UMAD1: variants seen among roughly 807,000 people sequenced by gnomAD.
UMAD1 encodes the protein UBAP1-MVB12-associated (UMA)-domain containing protein 1.
Under a neutral mutation model 6.1 loss-of-function variants are expected in UMAD1, and 8 were observed. The ratio of observed to expected loss-of-function variants is 1.30; its 90% CI spans 0.76 to 2.35. UMAD1 has a LOEUF of 2.35. UMAD1 is among the 30% of genes most tolerant of loss of function. The pLI is 0.00. For missense variants in UMAD1, 130 were observed against 78.4 expected (o/e 1.66, Z -2.49); for synonymous variants, 56 against 31.4 (o/e 1.78, Z -2.61).
At chr7:7,867,639 G>A (rs1009421927) in intron 3 of UMAD1, among the ~76,000 whole-genome samples, 1 of 152,112 alleles carries the variant, frequency 6.6e-6, no homozygotes, top group African/African-American at 2.4e-5. Context: ...CTCAGTAGAG[G>A]GGTGCAGGCA....
chr7:7,731,273 T>C (rs1422637695), intron 2 of UMAD1, among the ~76,000 whole-genome samples: 2 of 152,168 alleles, frequency 1.3e-5, no homozygotes, highest in East Asian at 1.9e-4. Flanking sequence ...GTGCTGGGAT[T>C]ACAGCCGTCA....
intron 3 of UMAD1, among the ~76,000 whole-genome samples, chr7:7,805,422 C>T (rs1205075663): frequency 6.6e-6 from 1 of 152,152 alleles, no homozygotes; most frequent in Admixed American, 6.5e-5. Context: ...CAAGTCCTGC[C>T]ATCTTGCCCT....
intron 2 of UMAD1, among the ~76,000 whole-genome samples, chr7:7,750,675 G>A (rs1036886759): frequency 4.6e-5 from 7 of 152,106 alleles, no homozygotes; most frequent in African/African-American, 1.7e-4. Flanking sequence ...TATGAGGTAG[G>A]CATTATTTTA....
chr7:7,647,793 C>G (rs1017358823), intron 1 of UMAD1, among the ~76,000 whole-genome samples: 1 of 152,058 alleles, frequency 6.6e-6, no homozygotes, highest in Non-Finnish European at 1.5e-5. Flanking sequence ...TTTGTAGAGA[C>G]GGGTTCTTTC....
chr7:7,801,674 T>TA lies in UMAD1; in HGVS notation c.88dup (p.Thr30AsnfsTer4). Reference sequence around the variant, plus strand: ...GACATATATTTTACTTCATAGGAGATACAACAGATGAGCAAAGAATGACAG... The same window carrying TA: ...GACATATATTTTACTTCATAGGAGATAACAACAGATGAGCAAAGAATGACAG... On this transcript the variant is annotated frameshift_variant, in exon 3 of 4. Coordinates refer to ENST00000682710, the MANE Select transcript of UMAD1 (RefSeq NM_001302348.2). LOFTEE classifies it high-confidence loss of function. 2 of 717,904 alleles carry TA rather than the reference T, an allele frequency of 2.8e-6. No homozygotes were observed. Among genetic ancestry groups the TA allele is most frequent in the African/African-American group, 1.7e-5 (1 of 57,388 alleles). 44.5% of individuals were successfully genotyped at this position (717,904 alleles called of 1,614,324 possible). A position where few individuals can be genotyped will look rare whatever the true frequency, so the allele number is the denominator to read the frequency against.
intron 2 of UMAD1, among the ~76,000 whole-genome samples, chr7:7,741,379 G>A (rs1781460855): frequency 6.6e-6 from 1 of 151,874 alleles, no homozygotes; most frequent in Non-Finnish European, 1.5e-5. Flanking sequence ...AGACCATCCT[G>A]GCTAACACAG....
chr7:7,684,924 G>T (rs1285187886), intron 2 of UMAD1, among the ~76,000 whole-genome samples: 1 of 152,088 alleles, frequency 6.6e-6, no homozygotes, highest in African/African-American at 2.4e-5. Context: ...GGAAAACATT[G>T]TAAGTATGCA....
intron 3 of UMAD1, among the ~76,000 whole-genome samples, chr7:7,822,215 C>A (rs956496255): frequency 6.6e-6 from 1 of 151,696 alleles, no homozygotes; most frequent in Non-Finnish European, 1.5e-5. Context: ...AGGGTTTGGG[C>A]GCACTGAGAA....
intron 2 of UMAD1, among the ~76,000 whole-genome samples, chr7:7,774,569 C>T (rs1435977842): frequency 6.6e-6 from 1 of 152,132 alleles, no homozygotes; most frequent in Admixed American, 6.5e-5. Flanking sequence ...AACTGTTTGA[C>T]CCATTTATGT....
At chr7:7,806,358 C>T (rs1046869923) in intron 3 of UMAD1, among the ~76,000 whole-genome samples, 1 of 152,086 alleles carries the variant, frequency 6.6e-6, no homozygotes, top group African/African-American at 2.4e-5. Context: ...TCTGCTCCCC[C>T]AGCCAGAGAC....
chr7:7,705,100 G>C (rs1780565960), intron 2 of UMAD1, among the ~76,000 whole-genome samples: 1 of 152,156 alleles, frequency 6.6e-6, no homozygotes, highest in South Asian at 2.1e-4. Flanking sequence ...GGGAGCTCCT[G>C]TTCTGACATG....
chr7:7,719,409 C>G (rs933801850), intron 2 of UMAD1, among the ~76,000 whole-genome samples: 2 of 152,240 alleles, frequency 1.3e-5, no homozygotes, highest in Non-Finnish European at 2.9e-5. Context: ...TGACTAATCT[C>G]TCTGGCAAGC....
chr7:7,839,959 T>C (rs926003513), intron 3 of UMAD1, among the ~76,000 whole-genome samples: 2 of 152,174 alleles, frequency 1.3e-5, no homozygotes, highest in African/African-American at 4.8e-5. Flanking sequence ...TTAACTGAGG[T>C]TGAGGTTTTG....
intron 3 of UMAD1, among the ~76,000 whole-genome samples, chr7:7,831,208 A>C (rs1255112285): frequency 6.6e-6 from 1 of 152,156 alleles, no homozygotes; most frequent in Non-Finnish European, 1.5e-5. Flanking sequence ...CCTCTAACCC[A>C]TATTTTTGTG....
chr7:7,735,345 C>G (rs982492509), intron 2 of UMAD1, among the ~76,000 whole-genome samples: 23 of 151,946 alleles, frequency 1.5e-4, no homozygotes, highest in African/African-American at 4.6e-4. Flanking sequence ...GACTTTTAAT[C>G]CAAGCTTAAT....
intron 1 of UMAD1, among the ~76,000 whole-genome samples, chr7:7,654,820 C>G (rs1785303760): frequency 6.6e-6 from 1 of 150,714 alleles, no homozygotes; most frequent in African/African-American, 2.4e-5. Flanking sequence ...AGGAGAATCG[C>G]TTGAACCTGG....
chr7:7,747,899 T>C (rs563121054), intron 2 of UMAD1, among the ~76,000 whole-genome samples: 1 of 152,340 alleles, frequency 6.6e-6, no homozygotes, highest in South Asian at 2.1e-4. Context: ...TGATGTGCCA[T>C]TTCTGAGCCA....
intron 2 of UMAD1, among the ~76,000 whole-genome samples, chr7:7,748,396 G>T (rs1781615102): frequency 6.6e-6 from 1 of 151,782 alleles, no homozygotes; most frequent in South Asian, 2.1e-4. Flanking sequence ...ATAAAATAAA[G>T]ATTTCTAGAC....
chr7:7,818,008 G>A (rs1289058913), intron 3 of UMAD1, among the ~76,000 whole-genome samples: 1 of 152,122 alleles, frequency 6.6e-6, no homozygotes, highest in Non-Finnish European at 1.5e-5. Context: ...CAGGTTCAGA[G>A]GTACATGCAC....
Sources: gnomAD v4.1 joint callset for allele counts (sites outside exome capture counted in the v4.1 genomes callset) on GRCh38, gnomAD v4.1.1 for gene constraint, MANE v1.5 for transcripts, NCBI Gene and HGNC (gene_info 2026-07-23, HGNC 2026-07-21) for gene names.